THTPA: variants seen among roughly 807,000 people sequenced by gnomAD.
The protein encoded by THTPA is thiamine triphosphatase, also known as thiamine-triphosphatase.
A neutral mutation model predicts 16.5 loss-of-function variants in THTPA; 16 were observed. The observed-to-expected ratio is 0.97, with a 90% CI of 0.66 to 1.47. THTPA has a LOEUF of 1.47. Among genes scored for constraint, THTPA ranks in the 40% most tolerant of loss-of-function variants. THTPA has a pLI of 0.00. For missense variants in THTPA, 281 were observed against 280.9 expected (o/e 1.00, Z 0.00); for synonymous variants, 110 against 115.5 (o/e 0.95, Z 0.30).
chr14:23,552,076 C>CT (rs1217154958), upstream of THTPA, among the ~76,000 whole-genome samples: 1 of 152,106 alleles, frequency 6.6e-6, no homozygotes, highest in Non-Finnish European at 1.5e-5. Flanking sequence ...CCAAGGCCTC[C>CT]TTTTTTCATT....
chr14:23,536,292 T>C, the THTPA span, among the ~76,000 whole-genome samples: 1 of 152,198 alleles, frequency 6.6e-6, no homozygotes, highest in Non-Finnish European at 1.5e-5. Context: ...GTCAGTGTCT[T>C]TTGAATGGCA....
At chr14:23,551,591 T>C (rs1881954945), upstream of THTPA, 1 of 152,906 alleles carries the variant, frequency 6.5e-6, no homozygotes, top group Non-Finnish European at 1.5e-5. The surrounding 1 kb of genome is among the most constrained non-coding windows in gnomAD (Gnocchi z 5.3). Flanking sequence ...GCGGCTGAAG[T>C]GTTTCCCCGG....
the THTPA span, among the ~76,000 whole-genome samples, chr14:23,515,240 T>C: frequency 7.2e-5 from 11 of 152,356 alleles, no homozygotes; most frequent in South Asian, 4.1e-4. Flanking sequence ...TTTGTACTTA[T>C]GCATATTTCA....
chr14:23,522,033 C>T, the THTPA span: 9 of 1,536,418 alleles, frequency 5.9e-6, no homozygotes, highest in South Asian at 1.1e-4. Context: ...CTTGCTTCCT[C>T]TTTGGCAAAA....
In THTPA at chr14:23,560,156, CTCAA is replaced by C; in HGVS notation, c.*1319_*1322del. On this transcript the variant is annotated 3_prime_UTR_variant, in exon 2 of 2. Coordinates refer to ENST00000288014, the MANE Select transcript of THTPA (RefSeq NM_024328.6). ...TCCCCAAGTGCTGATCTCCAGATGACTCAATCCCATCTCACACTGTCTCCCACCC... is the reference window on the plus strand; with the variant it reads ...TCCCCAAGTGCTGATCTCCAGATGACTCCCATCTCACACTGTCTCCCACCC... 1 of 1,501,138 alleles carries C rather than the reference CTCAA, an allele frequency of 6.7e-7. No individual in the cohort carries two copies. The highest frequency in any genetic ancestry group is 9.1e-7 in the Non-Finnish European group (1 of 1,094,986). 93.0% of individuals were successfully genotyped at this position (1,501,138 alleles called of 1,614,324 possible). A position where few individuals can be genotyped will look rare whatever the true frequency, so the allele number is the denominator to read the frequency against.
At chr14:23,544,866 C>T in the THTPA span, among the ~76,000 whole-genome samples, 1 of 152,158 alleles carries the variant, frequency 6.6e-6, no homozygotes, top group Non-Finnish European at 1.5e-5. Flanking sequence ...TCTCCTTCTC[C>T]CACCTTTTTT....
the THTPA span, chr14:23,524,624 T>C: frequency 4.6e-6 from 7 of 1,536,334 alleles, no homozygotes; most frequent in African/African-American, 1.4e-5. The surrounding 1 kb of genome is among the most constrained non-coding windows in gnomAD (Gnocchi z 5.6). Context: ...AATGGCACAC[T>C]GGTCACAGGT....
the THTPA span, chr14:23,530,799 C>T: frequency 3.8e-6 from 1 of 264,958 alleles, no homozygotes; most frequent in Non-Finnish European, 7.3e-6. Flanking sequence ...TAGCACCAGT[C>T]AATGCTGCGT....
At chr14:23,523,948 G>A in the THTPA span, 4 of 1,535,850 alleles carry the variant, frequency 2.6e-6, no homozygotes, top group Non-Finnish European at 3.5e-6. The surrounding 1 kb of genome is among the most constrained non-coding windows in gnomAD (Gnocchi z 4.1). Context: ...GGGGAGGTAG[G>A]AGAGGTAGAG....
Position 23,558,950 on chromosome 14 carries a change from C to G in THTPA, c.*110C>G, listed in dbSNP as rs75177523. ...CCTTCTGACAGTGACTCCTCTCTCT[C>G]CAGCGCTGCCTGTTTCTTCCCCCTC... On this transcript the variant is annotated 3_prime_UTR_variant, in exon 2 of 2. Transcript: ENST00000288014. 749 of 1,321,552 alleles carry G rather than the reference C, an allele frequency of 5.7e-4. 9 individuals carry two copies. The East Asian group carries it at 0.017, about 29-fold the overall frequency. 81.9% of individuals were successfully genotyped at this position (1,321,552 alleles called of 1,614,324 possible).
the THTPA span, chr14:23,527,816 A>T: frequency 6.5e-7 from 1 of 1,534,516 alleles, no homozygotes; most frequent in Non-Finnish European, 8.7e-7. Context: ...TGGAGGGAAC[A>T]TATGGGCAGT....
chr14:23,528,596 C>T, the THTPA span: 1 of 985,428 alleles, frequency 1.0e-6, no homozygotes, highest in East Asian at 1.1e-4. Flanking sequence ...CCCACTCTGC[C>T]TCTGTGAACC....
the THTPA span, chr14:23,529,446 C>T: frequency 4.2e-6 from 2 of 474,816 alleles, no homozygotes; most frequent in Non-Finnish European, 7.7e-6. Flanking sequence ...TTCCTACTCT[C>T]AGCACAATTC....
chr14:23,537,399 G>C, the THTPA span, among the ~76,000 whole-genome samples: 1 of 152,024 alleles, frequency 6.6e-6, no homozygotes, highest in African/African-American at 2.4e-5. Context: ...AGAGTGCTTC[G>C]TGTAAGGGGC....
chr14:23,526,540 A>C, the THTPA span: 1 of 1,535,758 alleles, frequency 6.5e-7, no homozygotes, highest in Non-Finnish European at 8.7e-7. Context: ...CAGCTTGGGC[A>C]TCAGGTTCAG....
At chr14:23,537,862 C>A in the THTPA span, among the ~76,000 whole-genome samples, 12 of 152,174 alleles carry the variant, frequency 7.9e-5, no homozygotes, top group African/African-American at 2.9e-4. Context: ...CTTCCACTAC[C>A]CCACCTGGTG....
the THTPA span, chr14:23,526,434 G>A: frequency 6.5e-7 from 1 of 1,536,342 alleles, no homozygotes; most frequent in Non-Finnish European, 8.7e-7. Flanking sequence ...TAGGTCAGAG[G>A]GTGGCGAGAG....
chr14:23,525,941 C>T, the THTPA span: 62 of 1,464,312 alleles, frequency 4.2e-5, no homozygotes, highest in South Asian at 6.9e-5. The surrounding 1 kb of genome is among the most constrained non-coding windows in gnomAD (Gnocchi z 5.9). Context: ...GGCTGGGAAT[C>T]GGTGCAGGTC....
In THTPA at chr14:23,560,256, T is replaced by C; in HGVS notation, c.*1416T>C. 3 of 1,613,358 alleles carry C rather than the reference T, an allele frequency of 1.9e-6. No homozygotes were observed. The highest frequency in any genetic ancestry group is 1.7e-6 in the Non-Finnish European group (2 of 1,180,010). ...CTCTGAACTCTGATCTTTACAAACC[T>C]TGGGCACAGCAGCCTGGCAGATGAA... is the stretch of plus-strand genomic sequence containing the variant. On this transcript the variant is annotated 3_prime_UTR_variant, in exon 2 of 2. Coordinates refer to ENST00000288014, the MANE Select transcript of THTPA (RefSeq NM_024328.6).
Sources: allele counts gnomAD v4.1 joint callset (sites outside exome capture counted in the v4.1 genomes callset), GRCh38; gene constraint gnomAD v4.1.1; non-coding constraint Gnocchi (gnomAD v3.1); transcripts MANE v1.5; gene names NCBI Gene and HGNC (gene_info 2026-07-23, HGNC 2026-07-21).